Variants in GALNT13 observed in about 807,000 individuals in gnomAD.
GALNT13 encodes the protein UDP-GalNAc:polypeptide N-acetylgalactosaminyltransferase 13.
In GALNT13, 28 loss-of-function variants were observed where a neutral mutation model predicts 64.2. The observed-to-expected ratio is 0.44, with a 90% CI of 0.32 to 0.60. The LOEUF (loss-of-function observed/expected upper bound fraction) is 0.60. Among genes scored for constraint, GALNT13 ranks in the 20% least tolerant of loss-of-function variants. The probability of loss-of-function intolerance (pLI) is 0.05; values close to 1 mark genes in which losing one functional copy is unlikely to be tolerated. For missense variants in GALNT13, 577 were observed against 669.8 expected (o/e 0.86, Z 1.53); for synonymous variants, 214 against 224.6 (o/e 0.95, Z 0.42).
At position 154,423,989 on chromosome 2, in the gene GALNT13, A is replaced by G. The variant is rs550541948; in HGVS notation, c.1396-14603A>G. On this transcript the variant is annotated intron_variant, in intron 11 of 12. Transcript: ENST00000392825. ...GACCCCTAATCCAGCCATGAGATAA[A>G]CATTAGAAAAATTCAAACTGAGAGA... Among the ~76,000 whole-genome samples the G allele has an allele frequency of 4.1e-4, 62 of 152,312 alleles. 1 individual carries two copies. The South Asian group carries it at 0.012, about 29-fold the overall frequency.
the GALNT13 span, among the ~76,000 whole-genome samples, chr2:153,793,875 A>T: frequency 1.3e-5 from 2 of 152,176 alleles, no homozygotes; most frequent in South Asian, 4.1e-4. Context: ...CAAATGAATA[A>T]ATACTCTAGA....
chr2:154,195,448 G>A (rs773341796), intron 4 of GALNT13, among the ~76,000 whole-genome samples: 1 of 152,124 alleles, frequency 6.6e-6, no homozygotes, highest in African/African-American at 2.4e-5. Context: ...TGACTCAACC[G>A]GGTGAAACAG....
intron 12 of GALNT13, among the ~76,000 whole-genome samples, chr2:154,439,789 G>T (rs1048512560): frequency 1.3e-5 from 2 of 151,926 alleles, no homozygotes; most frequent in Admixed American, 6.6e-5. Flanking sequence ...GGTTAATTTT[G>T]GGCCTAACAC....
chr2:153,651,319 A>T, the GALNT13 span, among the ~76,000 whole-genome samples: 1 of 152,204 alleles, frequency 6.6e-6, no homozygotes, highest in Non-Finnish European at 1.5e-5. Flanking sequence ...ATTGATAAAT[A>T]TGAATGAGAA....
chr2:154,079,590 ACTT>A (rs1353831847), intron 3 of GALNT13, among the ~76,000 whole-genome samples: 2 of 151,436 alleles, frequency 1.3e-5, no homozygotes, highest in Non-Finnish European at 3.0e-5. Flanking sequence ...ATGCTGGACT[ACTT>A]CTTTCATCTT....
At chr2:153,826,126 A>G in the GALNT13 span, among the ~76,000 whole-genome samples, 1 of 152,144 alleles carries the variant, frequency 6.6e-6, no homozygotes, top group South Asian at 2.1e-4. Context: ...GGCTGGGAGG[A>G]CCCAGGTCAA....
At chr2:153,286,232 T>C in the GALNT13 span, among the ~76,000 whole-genome samples, 1 of 152,294 alleles carries the variant, frequency 6.6e-6, no homozygotes, top group South Asian at 2.1e-4. Flanking sequence ...ATAGAATTAG[T>C]AACATTTATA....
chr2:153,469,740 G>A, the GALNT13 span, among the ~76,000 whole-genome samples: 2 of 152,166 alleles, frequency 1.3e-5, no homozygotes, highest in South Asian at 4.1e-4. Context: ...AATCAGTTTG[G>A]GTAATGCTGA....
At chr2:154,430,158 A>T (rs1700647604) in intron 11 of GALNT13, among the ~76,000 whole-genome samples, 2 of 152,228 alleles carry the variant, frequency 1.3e-5, no homozygotes, top group South Asian at 4.1e-4. Flanking sequence ...CTTACTATTT[A>T]AGAAATACGT....
intron 4 of GALNT13, among the ~76,000 whole-genome samples, chr2:154,215,596 T>G (rs182236974): frequency 6.6e-6 from 1 of 152,304 alleles, no homozygotes; most frequent in East Asian, 1.9e-4. Context: ...CCTTTACTCA[T>G]CAGGTTTTAT....
the GALNT13 span, among the ~76,000 whole-genome samples, chr2:153,252,466 T>C: frequency 6.9e-6 from 1 of 144,140 alleles, no homozygotes; most frequent in Admixed American, 7.0e-5. Context: ...GCAGAAGCTC[T>C]TTAGTTTAAT....
At chr2:153,469,469 CAGTT>C in the GALNT13 span, among the ~76,000 whole-genome samples, 1 of 152,028 alleles carries the variant, frequency 6.6e-6, no homozygotes, top group South Asian at 2.1e-4. Context: ...CAGACAGTCA[CAGTT>C]AGGAAGGTAA....
chr2:153,314,871 A>T, the GALNT13 span, among the ~76,000 whole-genome samples: 2 of 152,116 alleles, frequency 1.3e-5, no homozygotes, highest in Admixed American at 1.3e-4. Context: ...CCTGAAAAAA[A>T]GGGAAAATGA....
the GALNT13 span, among the ~76,000 whole-genome samples, chr2:153,237,772 G>A: frequency 1.3e-5 from 2 of 151,950 alleles, no homozygotes; most frequent in African/African-American, 4.8e-5. Flanking sequence ...TGGTTATTGA[G>A]AATAGTGCTG....
At chr2:153,088,139 C>G in the GALNT13 span, among the ~76,000 whole-genome samples, 2 of 151,890 alleles carry the variant, frequency 1.3e-5, no homozygotes, top group Non-Finnish European at 2.9e-5. Flanking sequence ...TTTGCTGTAT[C>G]CCAGAGGTTT....
At chr2:154,135,364 C>T (rs1682889665) in intron 3 of GALNT13, among the ~76,000 whole-genome samples, 2 of 152,124 alleles carry the variant, frequency 1.3e-5, no homozygotes, top group Non-Finnish European at 2.9e-5. Flanking sequence ...TAATAGATGA[C>T]ACCTTTCTGA....
At chr2:153,805,326 A>G in the GALNT13 span, among the ~76,000 whole-genome samples, 1 of 152,112 alleles carries the variant, frequency 6.6e-6, no homozygotes, top group East Asian at 1.9e-4. Context: ...CCAATAATTT[A>G]TTCCAAAACG....
At chr2:153,183,096 A>C in the GALNT13 span, among the ~76,000 whole-genome samples, 6 of 152,326 alleles carry the variant, frequency 3.9e-5, no homozygotes, top group Admixed American at 3.9e-4. Context: ...TCTCACCAGC[A>C]GTGTAAAAGT....
the GALNT13 span, chr2:153,478,599 G>A: frequency 6.7e-7 from 1 of 1,494,446 alleles, no homozygotes; most frequent in Non-Finnish European, 8.9e-7. Flanking sequence ...AGCGGCGCGG[G>A]TCCGAGGGGT....
Sources: gnomAD v4.1 joint callset for allele counts (sites outside exome capture counted in the v4.1 genomes callset) on GRCh38, gnomAD v4.1.1 for gene constraint, MANE v1.5 for transcripts, NCBI Gene and HGNC (gene_info 2026-07-23, HGNC 2026-07-21) for gene names.